The following TTC23 variants were observed in gnomAD, a reference collection of about 807,000 sequenced individuals.
TTC23 encodes the protein tetratricopeptide repeat domain 23.
TTC23 carries 58 observed loss-of-function variants against 55.1 expected under a neutral mutation model. That is an observed-to-expected ratio of 1.05 (90% CI 0.85 to 1.31). The LOEUF (loss-of-function observed/expected upper bound fraction) is 1.31, where lower values mean the gene tolerates loss of function less well. Among genes scored for constraint, TTC23 ranks in the 50% most tolerant of loss-of-function variants. The pLI is 0.00. For missense variants in TTC23, 516 were observed against 534.4 expected, an observed-to-expected ratio of 0.97 and a Z score of 0.34; for synonymous variants, 203 against 199.9, an observed-to-expected ratio of 1.02 and a Z score of -0.13.
intron 12 of TTC23, among the ~76,000 whole-genome samples, chr15:99,141,638 A>G (rs557833585): frequency 2.6e-5 from 4 of 152,326 alleles, no homozygotes; most frequent in Admixed American, 2.6e-4. Flanking sequence ...GGGACTTACT[A>G]CTGAAGCCTG....
chr15:99,225,553 T>G (rs1315336081), intron 5 of TTC23, among the ~76,000 whole-genome samples: 1 of 152,194 alleles, frequency 6.6e-6, no homozygotes, highest in African/African-American at 2.4e-5. Context: ...CGAGCTTCCA[T>G]GAAAATAACA....
chr15:99,250,934 A>G (rs1393512118), upstream of TTC23, among the ~76,000 whole-genome samples: 1 of 152,192 alleles, frequency 6.6e-6, no homozygotes, highest in Non-Finnish European at 1.5e-5. Flanking sequence ...CTGTTTTTCA[A>G]CGGTCAGACT....
At chr15:99,211,025 A>G (rs2076995038) in intron 8 of TTC23, among the ~76,000 whole-genome samples, 1 of 152,130 alleles carries the variant, frequency 6.6e-6, no homozygotes, top group African/African-American at 2.4e-5. Context: ...CAAACCTCAC[A>G]ACTTCAATGA....
chr15:99,233,948 A>G (rs2079115950), intron 4 of TTC23, among the ~76,000 whole-genome samples: 2 of 152,230 alleles, frequency 1.3e-5, no homozygotes, highest in South Asian at 4.1e-4. Flanking sequence ...TGCTCAACAA[A>G]TGATACTGGA....
rs1324755592 is a variant in TTC23 at position 99,137,715 on chromosome 15, TGAA to T, written c.*292_*294del. The T allele has an allele frequency of 2.6e-6, 1 of 387,094 alleles. No individual in the cohort carries two copies. Among genetic ancestry groups the T allele is most frequent in the Admixed American group, 3.7e-5 (1 of 27,256 alleles). The allele number at this position is 387,094 out of a possible 1,614,324, so 24.0% of individuals were successfully genotyped here. On this transcript the variant is annotated 3_prime_UTR_variant, in exon 14 of 14. Transcript: ENST00000394132. ...TCCTGCACAGGGCGCACTGAACTGT[TGAA>T]GAGAAGTTTTTCAGCCACAGTAGTG...
chr15:99,163,258 A>C (rs1021693913), intron 10 of TTC23, among the ~76,000 whole-genome samples: 11 of 152,196 alleles, frequency 7.2e-5, no homozygotes, highest in African/African-American at 2.4e-4. Flanking sequence ...TTTGATGAGA[A>C]GGATTTTGCC....
rs1567539075 is a variant in TTC23, at chr15:99,227,439, G to A, written c.180+1094C>T. 2.6e-5 allele frequency among the ~76,000 whole-genome samples: 4 copies of A among 152,130 alleles called. No homozygotes were observed. In the East Asian group the frequency reaches 5.8e-4, roughly 22 times the overall value. ...TCAGGTCCTCATAATTACTTGCCAGGATTACTGCAAATATCCTCCTAACTG... is the reference window on the plus strand; with the variant it reads ...TCAGGTCCTCATAATTACTTGCCAGAATTACTGCAAATATCCTCCTAACTG... On this transcript the variant is annotated intron_variant, in intron 5 of 13. Coordinates refer to ENST00000394132, the MANE Select transcript of TTC23 (RefSeq NM_001288615.3).
intron 12 of TTC23, among the ~76,000 whole-genome samples, chr15:99,141,807 T>C (rs1567308400): frequency 6.6e-6 from 1 of 152,172 alleles, no homozygotes; most frequent in Non-Finnish European, 1.5e-5. Context: ...AAAGTAACTA[T>C]CAGATGAGAA....
intron 10 of TTC23, among the ~76,000 whole-genome samples, chr15:99,170,995 G>C (rs937391998): frequency 6.6e-6 from 1 of 152,214 alleles, no homozygotes; most frequent in Non-Finnish European, 1.5e-5. Flanking sequence ...ATAGTTTGAG[G>C]GTTCTTCTTG....
intron 11 of TTC23, chr15:99,157,421 A>G (rs2070761534): frequency 6.6e-6 from 1 of 152,042 alleles, no homozygotes; most frequent in Non-Finnish European, 1.5e-5. Context: ...CATGTTGGCC[A>G]GACTGGTCTT....
intron 3 of TTC23, among the ~76,000 whole-genome samples, chr15:99,240,612 T>C (rs780751123): frequency 6.4e-4 from 97 of 152,314 alleles, no homozygotes; most frequent in Non-Finnish European, 1.1e-3. Flanking sequence ...CCAATCCCTA[T>C]TGGCTACCGG....
chr15:99,147,261 T>C (rs2069021381), intron 12 of TTC23, among the ~76,000 whole-genome samples: 1 of 136,326 alleles, frequency 7.3e-6, no homozygotes, highest in Non-Finnish European at 1.5e-5. Context: ...AGTCTCGCTC[T>C]GTCACCCAGG....
chr15:99,167,098 G>T (rs907393836), intron 10 of TTC23, among the ~76,000 whole-genome samples: 1 of 152,030 alleles, frequency 6.6e-6, no homozygotes, highest in Non-Finnish European at 1.5e-5. Flanking sequence ...CTACAGCAAA[G>T]GGGTCACTTC....
At chr15:99,208,103 G>A (rs1250309859) in intron 8 of TTC23, among the ~76,000 whole-genome samples, 2 of 152,066 alleles carry the variant, frequency 1.3e-5, no homozygotes, top group Non-Finnish European at 2.9e-5. Context: ...AGGAAAGTCA[G>A]ACAATTACAC....
intron 9 of TTC23, among the ~76,000 whole-genome samples, chr15:99,175,567 G>A (rs1040176594): frequency 6.6e-6 from 1 of 152,246 alleles, no homozygotes; most frequent in African/African-American, 2.4e-5. Context: ...GGTGTCAGCA[G>A]TCTCCCCACA....
At chr15:99,176,018 C>G (rs1042918185) in intron 9 of TTC23, among the ~76,000 whole-genome samples, 2 of 152,122 alleles carry the variant, frequency 1.3e-5, no homozygotes, top group Admixed American at 1.3e-4. Context: ...AAACAACAAA[C>G]AAAAAACTAT....
chr15:99,200,027 C>G lies in TTC23; in HGVS notation c.651G>C (p.Glu217Asp). The G allele has an allele frequency of 6.2e-7, 1 of 1,614,042 alleles. No individual in the cohort carries two copies. The highest frequency in any genetic ancestry group is 8.5e-7 in the Non-Finnish European group (1 of 1,179,976). ...CACGACTTGTTTCACCTTTACTGAT[C>G]TCAACATATTCCAAAGCTGCTTGAT... ...SHYQAALEYV[E>D]ISKGETSREC... The change falls in exon 9 of 14, where the codon GAG becomes GAC. Residue 217 changes from glutamate (E) to aspartate (D), a missense_variant. Physicochemically the swap from Glu to Asp is conservative, Grantham distance 45. Transcript: ENST00000394132.
intron 8 of TTC23, among the ~76,000 whole-genome samples, chr15:99,213,162 G>A (rs1313025060): frequency 6.6e-6 from 1 of 152,076 alleles, no homozygotes; most frequent in Non-Finnish European, 1.5e-5. Flanking sequence ...GATAAATTTG[G>A]ACAAAATACA....
chr15:99,191,491 C>T (rs984307744), intron 9 of TTC23, among the ~76,000 whole-genome samples: 11 of 152,168 alleles, frequency 7.2e-5, no homozygotes, highest in Admixed American at 7.2e-4. Context: ...CTGCTGTTCT[C>T]GTAATAGTGA....
Sources: allele counts gnomAD v4.1 joint callset (sites outside exome capture counted in the v4.1 genomes callset), GRCh38; gene constraint gnomAD v4.1.1; transcripts MANE v1.5; gene names NCBI Gene and HGNC (gene_info 2026-07-23, HGNC 2026-07-21).